Variants in DCBLD2 observed in about 807,000 individuals in gnomAD.
DCBLD2 encodes discoidin, CUB and LCCL domain-containing protein 2.
DCBLD2 carries 54 observed loss-of-function variants against 86.8 expected under a neutral mutation model. The ratio of observed to expected loss-of-function variants is 0.62; its 90% CI spans 0.50 to 0.78. DCBLD2 has a LOEUF of 0.78. Among genes scored for constraint, DCBLD2 ranks in the 30% least tolerant of loss-of-function variants. The probability of loss-of-function intolerance (pLI) is 0.00; values close to 1 mark genes in which losing one functional copy is unlikely to be tolerated. For synonymous variants in DCBLD2, 354 were observed against 341.3 expected (o/e 1.04, Z -0.41); for missense variants, 908 against 954.2 (o/e 0.95, Z 0.64).
intron 1 of DCBLD2, among the ~76,000 whole-genome samples, chr3:98,888,818 G>C (rs1166952238): frequency 3.3e-5 from 5 of 151,928 alleles, no homozygotes; most frequent in Non-Finnish European, 5.9e-5. Context: ...TCAACCCAAT[G>C]ACCTCTACTG....
rs201102845 is a variant in DCBLD2 at position 98,864,295 on chromosome 3, G to A, written c.434-14697C>T. Among the ~76,000 whole-genome samples, 7 of 152,200 alleles carry A rather than the reference G, an allele frequency of 4.6e-5. No individual in the cohort carries two copies. In the East Asian group the frequency reaches 1.3e-3, roughly 29 times the overall value. On this transcript the variant is annotated intron_variant, in intron 2 of 15. Transcript: ENST00000326840. ...TTAAACCATTGTAGAAGACAGTGTG[G>A]CAATTCCTCAAGTATCTAGAACTTA...
intron 3 of DCBLD2, among the ~76,000 whole-genome samples, chr3:98,829,466 A>G (rs1409762452): frequency 4.6e-5 from 7 of 152,204 alleles, no homozygotes; most frequent in Middle Eastern, 3.4e-3. Context: ...CTCAGTGTCA[A>G]TTGTTCCCCT....
intron 3 of DCBLD2, among the ~76,000 whole-genome samples, chr3:98,825,948 G>C (rs1259281278): frequency 6.6e-6 from 1 of 152,020 alleles, no homozygotes; most frequent in Non-Finnish European, 1.5e-5. Flanking sequence ...ACTCCATCCA[G>C]ACTTACAGAA....
intron 2 of DCBLD2, among the ~76,000 whole-genome samples, chr3:98,855,382 T>C (rs1157194119): frequency 6.6e-6 from 1 of 152,130 alleles, no homozygotes; most frequent in South Asian, 2.1e-4. Flanking sequence ...TATAAAATAG[T>C]ACAGCCACAA....
chr3:98,863,014 T>C (rs1450535148), intron 2 of DCBLD2, among the ~76,000 whole-genome samples: 1 of 152,216 alleles, frequency 6.6e-6, no homozygotes, highest in Admixed American at 6.5e-5. Flanking sequence ...ATAAGCAACT[T>C]CAGCAAAGTC....
At chr3:98,805,704 G>A (rs1941825359) in intron 13 of DCBLD2, among the ~76,000 whole-genome samples, 1 of 152,124 alleles carries the variant, frequency 6.6e-6, no homozygotes, top group Admixed American at 6.5e-5. Flanking sequence ...CTCAGATCGT[G>A]TCCTTAACGC....
chr3:98,817,406 A>G (rs1942041714), intron 9 of DCBLD2, among the ~76,000 whole-genome samples: 1 of 152,194 alleles, frequency 6.6e-6, no homozygotes, highest in Non-Finnish European at 1.5e-5. Context: ...TCTTGCCTAC[A>G]GAGTAGAAAT....
At chr3:98,838,153 C>CA (rs1173885959) in intron 3 of DCBLD2, among the ~76,000 whole-genome samples, 1 of 102,496 alleles carries the variant, frequency 9.8e-6, no homozygotes, top group African/African-American at 3.5e-5. Context: ...GCTGACCCCC[C>CA]CCACCTCCCT....
In DCBLD2 at chr3:98,817,857, T is replaced by C. The variant is rs1191467726; in HGVS notation, c.1124A>G (p.Asn375Ser). The C allele has an allele frequency of 6.2e-7, 1 of 1,613,694 alleles. No individual in the cohort carries two copies. The highest frequency in any genetic ancestry group is 1.7e-5 in the Admixed American group (1 of 59,996). ...ITTGSTMVEH[N>S]YYVSAYRILY... is the part of the protein sequence containing the mutation. ...GATTCTGTAGGCAGACACATAGTAA[T>C]TGTGCTCCACCATGGTGGATCCAGT... Residue 375 changes from asparagine (N) to serine (S), a missense_variant, in exon 9 of 16, where the codon AAT (asparagine) becomes AGT (serine). Transcript: ENST00000326840.
chr3:98,889,966 C>G (rs1484124261), intron 1 of DCBLD2, among the ~76,000 whole-genome samples: 1 of 151,972 alleles, frequency 6.6e-6, no homozygotes, highest in Non-Finnish European at 1.5e-5. Flanking sequence ...CTCACCACCC[C>G]CCATCTACCA....
intron 3 of DCBLD2, among the ~76,000 whole-genome samples, chr3:98,834,137 GTTTTCT>G (rs1419806554): frequency 5.8e-5 from 4 of 69,492 alleles, no homozygotes; most frequent in African/African-American, 9.0e-5. Context: ...GAGTAGAGTT[GTTTTCT>G]TTTTTTTTTT....
intron 13 of DCBLD2, among the ~76,000 whole-genome samples, chr3:98,804,085 CTT>C (rs1941783937): frequency 2.0e-5 from 3 of 152,220 alleles, no homozygotes; most frequent in Admixed American, 2.0e-4. Context: ...AGGATTCCCT[CTT>C]TTTCTATTGA....
chr3:98,849,595 T>C lies in DCBLD2; in HGVS notation c.437A>G (p.Lys146Arg). 1 of 1,608,776 alleles carries C rather than the reference T, an allele frequency of 6.2e-7. No homozygotes were observed. Among genetic ancestry groups the C allele is most frequent in the Non-Finnish European group, 8.5e-7 (1 of 1,175,826 alleles). ...CATTTGCAACCCCAGACCACAGTAT[T>C]TGCCTAGGAATGAAAGAAAAGCAGA... Reference protein sequence around the residue: ...GIGVSRTEIGKYCGLGLQMNH... With the variant: ...GIGVSRTEIGRYCGLGLQMNH... The change falls in exon 3 of 16, where the codon AAA becomes AGA. Residue 146 changes from lysine (K) to arginine (R), a missense_variant. This residue lies in a region of DCBLD2 where 294 missense variants were observed against 256.0 expected (regional missense o/e 1.15). Coordinates refer to ENST00000326840, the MANE Select transcript of DCBLD2 (RefSeq NM_080927.4).
chr3:98,804,167 G>A (rs937378403), intron 13 of DCBLD2, among the ~76,000 whole-genome samples: 51 of 151,582 alleles, frequency 3.4e-4, no homozygotes, highest in African/African-American at 1.1e-3. Context: ...CTATGAATCC[G>A]TCTGGTCCTG....
At chr3:98,842,388 T>A (rs191789313) in intron 3 of DCBLD2, among the ~76,000 whole-genome samples, 3 of 152,216 alleles carry the variant, frequency 2.0e-5, no homozygotes, top group Admixed American at 6.5e-5. Context: ...CTTGCTCCTA[T>A]TATAGGAATC....
intron 2 of DCBLD2, among the ~76,000 whole-genome samples, chr3:98,852,920 A>C (rs1354711668): frequency 6.6e-6 from 1 of 152,198 alleles, no homozygotes; most frequent in Non-Finnish European, 1.5e-5. Flanking sequence ...TGAGAAACGT[A>C]TTCCCAGCTA....
chr3:98,887,313 T>G (rs1180390430), intron 1 of DCBLD2, among the ~76,000 whole-genome samples: 1 of 151,960 alleles, frequency 6.6e-6, no homozygotes, highest in Non-Finnish European at 1.5e-5. Context: ...AACAGAAAAG[T>G]GTTCAGAAGA....
intron 3 of DCBLD2, among the ~76,000 whole-genome samples, chr3:98,841,179 C>T (rs1942612746): frequency 6.6e-6 from 1 of 152,152 alleles, no homozygotes. Flanking sequence ...AGATGGGGCT[C>T]TGAAGGCAGG....
intron 15 of DCBLD2, among the ~76,000 whole-genome samples, chr3:98,800,317 CG>C (rs1941695662): frequency 6.6e-6 from 1 of 152,128 alleles, no homozygotes; most frequent in Non-Finnish European, 1.5e-5. Flanking sequence ...CTCAACATCT[CG>C]GGTCTCCCCA....
Sources: allele counts gnomAD v4.1 joint callset (sites outside exome capture counted in the v4.1 genomes callset), GRCh38; gene constraint gnomAD v4.1.1; regional missense constraint gnomAD v4.1.1; transcripts MANE v1.5; gene names NCBI Gene and HGNC (gene_info 2026-07-23, HGNC 2026-07-21).